Variants in CNKSR3 observed in about 807,000 individuals in gnomAD.
The protein encoded by CNKSR3 is CNKSR family member 3, also known as connector enhancer of kinase suppressor of ras 3.
In CNKSR3, 36 loss-of-function variants were observed where a neutral mutation model predicts 67.7. The ratio of observed to expected loss-of-function variants is 0.53; its 90% CI spans 0.41 to 0.70. CNKSR3 has a LOEUF of 0.70. CNKSR3 is among the 30% of genes least tolerant of loss of function. The pLI is 0.00. For missense variants in CNKSR3, 630 were observed against 695.2 expected, an observed-to-expected ratio of 0.91 and a Z score of 1.05; for synonymous variants, 281 against 271.4, an observed-to-expected ratio of 1.04 and a Z score of -0.35.
chr6:154,483,477 A>C (rs1446580790), intron 1 of CNKSR3, among the ~76,000 whole-genome samples: 1 of 151,752 alleles, frequency 6.6e-6, no homozygotes, highest in Non-Finnish European at 1.5e-5. Flanking sequence ...AAATCACTTC[A>C]CCTAGAAGTC....
Position 154,394,852 on chromosome 6 carries a change from C to T in CNKSR3, c.*11502G>A, listed in dbSNP as rs1407814123. 1.3e-5 allele frequency: 2 copies of T among 152,132 alleles called. No homozygotes were observed. Among genetic ancestry groups the T allele is most frequent in the African/African-American group, 4.8e-5 (2 of 41,426 alleles). 9.4% of individuals were successfully genotyped at this position (152,132 alleles called of 1,614,324 possible). On this transcript the variant is annotated 3_prime_UTR_variant, in exon 13 of 13. Transcript: ENST00000607772. Reference sequence around the variant, plus strand: ...GTTCACAAGAAGAGCATATAGAGAACCTGCATATATAAAGCTGTGTGGGTT... The same window carrying T: ...GTTCACAAGAAGAGCATATAGAGAATCTGCATATATAAAGCTGTGTGGGTT...
intron 1 of CNKSR3, among the ~76,000 whole-genome samples, chr6:154,479,626 C>T (rs73794114): frequency 1.1e-3 from 174 of 152,240 alleles, no homozygotes; most frequent in African/African-American, 3.8e-3. Flanking sequence ...CTGCACACAT[C>T]GAGGCCCCCC....
rs777625809 is a variant in CNKSR3 at position 154,390,241 on chromosome 6, A to G, written c.*16113T>C. 1 of 152,064 alleles carries G rather than the reference A, an allele frequency of 6.6e-6. No homozygotes were observed. The highest frequency in any genetic ancestry group is 1.5e-5 in the Non-Finnish European group (1 of 68,066). 9.4% of individuals were successfully genotyped at this position (152,064 alleles called of 1,614,324 possible). On this transcript the variant is annotated 3_prime_UTR_variant, in exon 13 of 13. Coordinates refer to ENST00000607772, the MANE Select transcript of CNKSR3 (RefSeq NM_173515.4). The stretch of plus-strand genomic sequence containing the variant: ...CTTAGCCCCAGCCTGTGCCTGACCA[A>G]CTCACCTAGGCTACCAAGTTCCCTT...
At position 154,470,188 on chromosome 6, in the gene CNKSR3, C is replaced by CTTTTTTTTTT. The variant is rs869154714; in HGVS notation, c.53-19940_53-19931dup. 1.2e-4 allele frequency among the ~76,000 whole-genome samples: 8 copies of CTTTTTTTTTT among 68,750 alleles called. 1 individual carries two copies. Among genetic ancestry groups the CTTTTTTTTTT allele is most frequent in the Admixed American group, 4.2e-4 (2 of 4,768 alleles). 45.1% of individuals were successfully genotyped at this position (68,750 alleles called of 152,430 possible). On this transcript the variant is annotated intron_variant, in intron 1 of 12. Transcript: ENST00000607772. ...TGTAATAAAGAACCTACTTTCTTTC[C>CTTTTTTTTTT]TTTTTTTTTTTTTTTTTTTTTTTTT... is the stretch of plus-strand genomic sequence containing the variant.
chr6:154,463,002 T>C (rs1480662352), intron 1 of CNKSR3, among the ~76,000 whole-genome samples: 1 of 152,174 alleles, frequency 6.6e-6, no homozygotes, highest in Non-Finnish European at 1.5e-5. Context: ...AAGACTGCAG[T>C]TTGGAGATGC....
At chr6:154,464,292 C>T (rs1786145303) in intron 1 of CNKSR3, among the ~76,000 whole-genome samples, 1 of 152,178 alleles carries the variant, frequency 6.6e-6, no homozygotes, top group African/African-American at 2.4e-5. Context: ...GTCCCCTCTG[C>T]TGTCCTTCCC....
intron 7 of CNKSR3, among the ~76,000 whole-genome samples, chr6:154,426,618 G>A (rs1274250730): frequency 6.6e-6 from 1 of 152,168 alleles, no homozygotes; most frequent in Admixed American, 6.5e-5. Context: ...GCCTCCCAAA[G>A]TGCTGGGATT....
chr6:154,402,237 T>C lies in CNKSR3; in HGVS notation c.*4117A>G, dbSNP rs1163106039. The C allele has an allele frequency of 6.6e-6, 1 of 152,214 alleles. No individual in the cohort carries two copies. Among genetic ancestry groups the C allele is most frequent in the African/African-American group, 2.4e-5 (1 of 41,456 alleles). The allele number at this position is 152,214 out of a possible 1,614,324, so 9.4% of individuals were successfully genotyped here. On this transcript the variant is annotated 3_prime_UTR_variant, in exon 13 of 13. Coordinates refer to ENST00000607772, the MANE Select transcript of CNKSR3 (RefSeq NM_173515.4). ...TACTGAGATTTAACCTGTTGGAGCA[T>C]GCGTGATACACAAGCCCTGCAGCTT... is the stretch of plus-strand genomic sequence containing the variant.
intron 1 of CNKSR3, among the ~76,000 whole-genome samples, chr6:154,493,469 A>G (rs771004296): frequency 3.9e-5 from 6 of 152,212 alleles, no homozygotes; most frequent in Non-Finnish European, 8.8e-5. Context: ...CACTCAATAG[A>G]TGTGTTTAAT....
chr6:154,483,315 T>C (rs774539486), intron 1 of CNKSR3, among the ~76,000 whole-genome samples: 1 of 152,202 alleles, frequency 6.6e-6, no homozygotes, highest in Non-Finnish European at 1.5e-5. Context: ...AGATCACTGA[T>C]GCACTCTCGG....
chr6:154,428,925 A>C (rs1324625619), intron 6 of CNKSR3, among the ~76,000 whole-genome samples: 1 of 152,222 alleles, frequency 6.6e-6, no homozygotes, highest in Non-Finnish European at 1.5e-5. Flanking sequence ...GCTACTAATA[A>C]TCCAGACAAA....
In CNKSR3 at chr6:154,389,130, G is replaced by A. The variant is rs1784580058; in HGVS notation, c.*17224C>T. On this transcript the variant is annotated 3_prime_UTR_variant, in exon 13 of 13. Coordinates refer to ENST00000607772, the MANE Select transcript of CNKSR3 (RefSeq NM_173515.4). The stretch of plus-strand genomic sequence containing the variant: ...TTGCTTATTTTTGTTTTTGTTGCCT[G>A]TGTTTTGGGGGTCATATCCATGAAA... 2.0e-5 allele frequency: 3 copies of A among 152,106 alleles called. No individual in the cohort carries two copies. The highest frequency in any genetic ancestry group is 6.5e-5 in the Admixed American group (1 of 15,272). The allele number at this position is 152,106 out of a possible 1,614,324, so 9.4% of individuals were successfully genotyped here.
intron 6 of CNKSR3, 139 bp downstream of exon 6, chr6:154,430,333 C>G: frequency 1.5e-6 from 1 of 662,186 alleles, no homozygotes; most frequent in Non-Finnish European, 2.5e-6. Context: ...ATAGCACATT[C>G]CTAATTACAT....
At chr6:154,459,284 G>C (rs191028865) in intron 1 of CNKSR3, among the ~76,000 whole-genome samples, 1 of 151,974 alleles carries the variant, frequency 6.6e-6, no homozygotes, top group African/African-American at 2.4e-5. Context: ...TGGAAGCAGG[G>C]GCCCTGTGAA....
In CNKSR3 at chr6:154,450,165, T is replaced by A; in HGVS notation, c.146A>T (p.Glu49Val). The A allele has an allele frequency of 6.2e-7, 1 of 1,614,170 alleles. No homozygotes were observed. The highest frequency in any genetic ancestry group is 8.5e-7 in the Non-Finnish European group (1 of 1,180,028). ...QLLQISHQDL[E>V]ELGVTRIGHQ... ...TCCAATCCGTGTGACCCCCAGCTCC[T>A]CCAGGTCCTGATGGGAAATCTGCAG... is the stretch of plus-strand genomic sequence containing the variant. Residue 49 changes from glutamate (E) to valine (V), a missense_variant, in exon 2 of 13, where the codon GAG becomes GTG. Glu to Val is a moderately radical substitution (Grantham distance 121, BLOSUM62 -2). This residue lies in a region of CNKSR3 where 189 missense variants were observed against 205.0 expected (regional missense o/e 0.92). Transcript: ENST00000607772.
chr6:154,465,425 T>C (rs530231592), intron 1 of CNKSR3, among the ~76,000 whole-genome samples: 1 of 152,066 alleles, frequency 6.6e-6, no homozygotes, highest in African/African-American at 2.4e-5. Context: ...AGGTGCTTTC[T>C]AAGACTTAAT....
intron 9 of CNKSR3, among the ~76,000 whole-genome samples, chr6:154,419,625 T>C (rs767464891): frequency 1.1e-4 from 16 of 152,164 alleles, no homozygotes; most frequent in Non-Finnish European, 1.8e-4. Context: ...GCCTCACTAC[T>C]GGATACACGT....
At chr6:154,487,848 G>C (rs903819976) in intron 1 of CNKSR3, among the ~76,000 whole-genome samples, 3 of 152,112 alleles carry the variant, frequency 2.0e-5, no homozygotes, top group Non-Finnish European at 2.9e-5. Context: ...ATTTACCAAA[G>C]ACCTTTATTG....
At chr6:154,507,043 G>A (rs949738392) in intron 1 of CNKSR3, among the ~76,000 whole-genome samples, 33 of 152,224 alleles carry the variant, frequency 2.2e-4, no homozygotes, top group African/African-American at 7.7e-4. Context: ...TGTGTGACTC[G>A]GTTTCCTCAA....
Sources: allele counts gnomAD v4.1 joint callset (sites outside exome capture counted in the v4.1 genomes callset), GRCh38; gene constraint gnomAD v4.1.1; regional missense constraint gnomAD v4.1.1; transcripts MANE v1.5; gene names NCBI Gene and HGNC (gene_info 2026-07-23, HGNC 2026-07-21).